The following DIRAS2 variants were observed in gnomAD, a reference collection of about 807,000 sequenced individuals.
DIRAS2 encodes the protein DIRAS family GTPase 2.
Under a neutral mutation model 13.9 loss-of-function variants are expected in DIRAS2, and 5 were observed. The observed-to-expected ratio is 0.36, with a 90% confidence interval of 0.19 to 0.76. The LOEUF (loss-of-function observed/expected upper bound fraction) is 0.76. Ranked by LOEUF, DIRAS2 falls within the 30% of genes least tolerant of loss-of-function variation. DIRAS2 has a pLI of 0.53. For synonymous variants in DIRAS2, 111 were observed against 105.4 expected, an observed-to-expected ratio of 1.05 and a Z score of -0.33; for missense variants, 191 against 263.0, an observed-to-expected ratio of 0.73 and a Z score of 1.89.
chr9:90,613,673 T>A lies in DIRAS2; in HGVS notation c.155A>T (p.Lys52Met). 1.2e-6 allele frequency: 2 copies of A among 1,614,148 alleles called. No homozygotes were observed. The highest frequency in any genetic ancestry group is 1.7e-6 in the Non-Finnish European group (2 of 1,180,022). ...GGTGATCTGCAATGTGCATATGCTC[T>A]TGTCACAGCTGATCACTTGCCGGTA... ...DTYRQVISCD[K>M]SICTLQITDT... The change falls in exon 2 of 2, where the codon AAG becomes ATG. Residue 52 changes from lysine to methionine, a missense_variant. By Grantham distance (95) the Lys-to-Met change is moderately conservative. Transcript: ENST00000375765. This position sits in a 1 kb window ranked among gnomAD's most constrained non-coding sequence, Gnocchi z 5.6.
rs539671486 is a variant in DIRAS2 at position 90,611,044 on chromosome 9, T to G, written c.*2184A>C. The G allele has an allele frequency of 5.9e-5, 9 of 152,282 alleles. No individual in the cohort carries two copies. The highest frequency in any genetic ancestry group is 1.7e-4 in the African/African-American group (7 of 41,558). 9.4% of individuals were successfully genotyped at this position (152,282 alleles called of 1,614,324 possible). ...ATTCTACTGTTAACAAAGAACCCAA[T>G]CAAAATCTATAGGTCTACTTTGGCC... On this transcript the variant is annotated 3_prime_UTR_variant, in exon 2 of 2. Coordinates refer to ENST00000375765, the MANE Select transcript of DIRAS2 (RefSeq NM_017594.5).
rs939558168 is a variant in DIRAS2 at position 90,628,877 on chromosome 9, C to CG, written c.-37+13874dup. ...ATATATTACTTTTTTTTTTTTGAGACGGAGTCTCGTTCTGTCGCCCAGGCT... is the reference window on the plus strand; with the variant it reads ...ATATATTACTTTTTTTTTTTTGAGACGGGAGTCTCGTTCTGTCGCCCAGGCT... On this transcript the variant is annotated intron_variant, in intron 1 of 1. Coordinates refer to ENST00000375765, the MANE Select transcript of DIRAS2 (RefSeq NM_017594.5). Among the ~76,000 whole-genome samples the CG allele has an allele frequency of 1.6e-4, 23 of 148,164 alleles. No homozygotes were observed. In the East Asian group the frequency reaches 4.0e-3, roughly 26 times the overall value.
chr9:90,622,171 C>A (rs1825224859), intron 1 of DIRAS2, among the ~76,000 whole-genome samples: 1 of 152,146 alleles, frequency 6.6e-6, no homozygotes, highest in Non-Finnish European at 1.5e-5. Context: ...AGGATCTCTT[C>A]AGCCCAGGAA....
intron 1 of DIRAS2, among the ~76,000 whole-genome samples, chr9:90,630,261 C>A (rs913647439): frequency 6.6e-6 from 1 of 152,076 alleles, no homozygotes; most frequent in Non-Finnish European, 1.5e-5. Flanking sequence ...TGTGTGTGAT[C>A]CAACAAAGGA....
rs1386770268 is a variant in DIRAS2, at chr9:90,613,485, G to C, written c.343C>G (p.Pro115Ala). 1 of 1,614,014 alleles carries C rather than the reference G, an allele frequency of 6.2e-7. No individual in the cohort carries two copies. The highest frequency in any genetic ancestry group is 8.5e-7 in the Non-Finnish European group (1 of 1,180,006). ...CEIKGDVESIPIMLVGNKCDE... is the reference protein window; with the variant it reads ...CEIKGDVESIAIMLVGNKCDE... ...CACTTGTTCCCCACCAGCATGATGG[G>C]GATGCTCTCCACGTCCCCTTTGATC... is the stretch of plus-strand genomic sequence containing the variant. The change falls in exon 2 of 2, where the codon CCC (proline) becomes GCC (alanine). Residue 115 changes from proline (P) to alanine (A), a missense_variant. Pro to Ala is a conservative substitution (Grantham distance 27). Coordinates refer to ENST00000375765, the MANE Select transcript of DIRAS2 (RefSeq NM_017594.5). This position sits in a 1 kb window ranked among gnomAD's most constrained non-coding sequence, Gnocchi z 5.6.
chr9:90,631,274 A>G (rs1302016697), intron 1 of DIRAS2, among the ~76,000 whole-genome samples: 1 of 152,190 alleles, frequency 6.6e-6, no homozygotes, highest in African/African-American at 2.4e-5. Context: ...CTCAAGACAC[A>G]TGGATAAATT....
chr9:90,622,159 G>T (rs190471702), intron 1 of DIRAS2, among the ~76,000 whole-genome samples: 1 of 152,188 alleles, frequency 6.6e-6, no homozygotes, highest in Non-Finnish European at 1.5e-5. Flanking sequence ...GGTTGAGGCA[G>T]GAGGATCTCT....
At chr9:90,618,210 C>T (rs940340093) in intron 1 of DIRAS2, among the ~76,000 whole-genome samples, 1 of 152,188 alleles carries the variant, frequency 6.6e-6, no homozygotes, top group African/African-American at 2.4e-5. Flanking sequence ...GTGGTACTAA[C>T]ACAGGATACA....
At chr9:90,614,555 G>A (rs1398245996) in intron 1 of DIRAS2, among the ~76,000 whole-genome samples, 1 of 152,138 alleles carries the variant, frequency 6.6e-6, no homozygotes, top group African/African-American at 2.4e-5. Context: ...GGAAGGCTAG[G>A]ATACAACCAA....
At chr9:90,637,652 G>A (rs72757633) in intron 1 of DIRAS2, among the ~76,000 whole-genome samples, 4,998 of 152,262 alleles carry the variant, frequency 0.033, 133 homozygotes, top group South Asian at 0.12. Flanking sequence ...GACATTGAGC[G>A]TCTTTTCTGT....
chr9:90,636,124 G>A (rs957099010), intron 1 of DIRAS2, among the ~76,000 whole-genome samples: 4 of 127,740 alleles, frequency 3.1e-5, no homozygotes, highest in South Asian at 5.4e-4. Context: ...TGCAAGCTCC[G>A]CCTCCCGGGT....
intron 1 of DIRAS2, among the ~76,000 whole-genome samples, chr9:90,639,963 ACAG>A (rs1825404193): frequency 6.6e-6 from 1 of 152,224 alleles, no homozygotes; most frequent in Non-Finnish European, 1.5e-5. Flanking sequence ...GCTGGACAAT[ACAG>A]TAGCCATCAG....
intron 1 of DIRAS2, among the ~76,000 whole-genome samples, chr9:90,634,349 A>G (rs1825352415): frequency 6.6e-6 from 1 of 152,198 alleles, no homozygotes. Context: ...TTAATCAATG[A>G]AAATTTATTT....
chr9:90,612,818 G>A lies in DIRAS2; in HGVS notation c.*410C>T, dbSNP rs1257264569. The A allele has an allele frequency of 5.4e-6, 1 of 185,922 alleles. No individual in the cohort carries two copies. Among genetic ancestry groups the A allele is most frequent in the African/African-American group, 2.4e-5 (1 of 42,398 alleles). 11.5% of individuals were successfully genotyped at this position (185,922 alleles called of 1,614,324 possible). On this transcript the variant is annotated 3_prime_UTR_variant, in exon 2 of 2. Coordinates refer to ENST00000375765, the MANE Select transcript of DIRAS2 (RefSeq NM_017594.5). ...CCTGCCCCTCCCCTCCCCCAAAGAT[G>A]TGATTGGCTTCTGTCTGGGGTTGGT... is the stretch of plus-strand genomic sequence containing the variant.
rs1320452254 is a variant in DIRAS2, at chr9:90,613,222, G to A, written c.*6C>T. The A allele has an allele frequency of 2.5e-6, 4 of 1,604,758 alleles. No individual in the cohort carries two copies. In the Admixed American group the frequency reaches 6.7e-5, roughly 27 times the overall value. ...CACACAGCTGCTCCTCCCGCAGGAAGGGCCTTCACATGATCACGCACTTGC... is the reference window on the plus strand; with the variant it reads ...CACACAGCTGCTCCTCCCGCAGGAAAGGCCTTCACATGATCACGCACTTGC... On this transcript the variant is annotated 3_prime_UTR_variant, in exon 2 of 2. Coordinates refer to ENST00000375765, the MANE Select transcript of DIRAS2 (RefSeq NM_017594.5). The surrounding 1 kb of genome is among the most constrained non-coding windows in gnomAD (Gnocchi z 5.6).
chr9:90,628,807 A>G, intron 1 of DIRAS2, among the ~76,000 whole-genome samples: 1 of 151,964 alleles, frequency 6.6e-6, no homozygotes, highest in East Asian at 1.9e-4. Context: ...TCGGCCTCCC[A>G]AAGTGGTGGG....
intron 1 of DIRAS2, among the ~76,000 whole-genome samples, chr9:90,640,495 A>G (rs2118592173): frequency 6.6e-6 from 1 of 152,372 alleles, no homozygotes. Flanking sequence ...ACTCTTAAAA[A>G]GCCATCAGCA....
intron 1 of DIRAS2, among the ~76,000 whole-genome samples, chr9:90,616,736 C>CAAAAA (rs11422558): frequency 9.1e-5 from 8 of 88,394 alleles, no homozygotes; most frequent in Admixed American, 2.9e-4. Flanking sequence ...GACTCCATCA[C>CAAAAA]AAAAAAAAAA....
intron 1 of DIRAS2, among the ~76,000 whole-genome samples, chr9:90,640,016 A>G (rs963760449): frequency 1.3e-4 from 20 of 152,324 alleles, no homozygotes; most frequent in African/African-American, 4.8e-4. Context: ...AGCTAATCCA[A>G]ATTGAGATGT....
Sources: allele counts gnomAD v4.1 joint callset (sites outside exome capture counted in the v4.1 genomes callset), GRCh38; gene constraint gnomAD v4.1.1; non-coding constraint Gnocchi (gnomAD v3.1); transcripts MANE v1.5; gene names NCBI Gene and HGNC (gene_info 2026-07-23, HGNC 2026-07-21).